The following ZNF626 variants were observed in gnomAD, a reference collection of about 807,000 sequenced individuals.
The protein encoded by ZNF626 is CTC-513N18.7.
Under a neutral mutation model 11.7 loss-of-function variants are expected in ZNF626, and 4 were observed. The ratio of observed to expected loss-of-function variants is 0.34; its 90% CI spans 0.17 to 0.78. ZNF626 has a LOEUF of 0.78. Ranked by LOEUF, ZNF626 falls within the 30% of genes least tolerant of loss-of-function variation. The pLI, the probability that ZNF626 is intolerant of heterozygous loss-of-function variation, is 0.57. For missense variants in ZNF626, 588 were observed against 587.1 expected (o/e 1.00, Z -0.01); for synonymous variants, 179 against 198.6 (o/e 0.90, Z 0.83).
chr19:20,636,689 T>C (rs994099507), intron 3 of ZNF626, among the ~76,000 whole-genome samples: 1 of 152,074 alleles, frequency 6.6e-6, no homozygotes, highest in Non-Finnish European at 1.5e-5. Flanking sequence ...AAAATAAAAG[T>C]TGAGACTGTT....
chr19:20,647,261 C>T (rs1568460509), intron 1 of ZNF626, among the ~76,000 whole-genome samples: 1 of 151,994 alleles, frequency 6.6e-6, no homozygotes, highest in South Asian at 2.1e-4. Context: ...TTTTTCTAGC[C>T]TGTAAACAAA....
At chr19:20,645,293 T>C (rs1277170529) in intron 3 of ZNF626, 1 of 1,510,138 alleles carries the variant, frequency 6.6e-7, no homozygotes, top group Non-Finnish European at 8.7e-7. Context: ...ACATTTCAGA[T>C]CTGATGCAAA....
In ZNF626 at chr19:20,636,887, G is replaced by A. The variant is rs142572936; in HGVS notation, c.226+8797C>T. ...AGTGCAAAAATTATTTGGGCATGGTGGCACATTCCTGTTGTCCCAGCTACT... is the reference window on the plus strand; with the variant it reads ...AGTGCAAAAATTATTTGGGCATGGTAGCACATTCCTGTTGTCCCAGCTACT... On this transcript the variant is annotated intron_variant, in intron 3 of 3. Coordinates refer to ENST00000601440, the MANE Select transcript of ZNF626 (RefSeq NM_001076675.3). Among the ~76,000 whole-genome samples, 489 of 152,124 alleles carry A rather than the reference G, an allele frequency of 3.2e-3. 2 individuals carry two copies. The highest frequency in any genetic ancestry group is 6.8e-3 in the Middle Eastern group (2 of 294).
chr19:20,658,828 C>T (rs1298011688), intron 1 of ZNF626, among the ~76,000 whole-genome samples: 1 of 152,068 alleles, frequency 6.6e-6, no homozygotes, highest in African/African-American at 2.4e-5. Context: ...AATCAAAAAC[C>T]CCATAGGCCC....
chr19:20,625,793 A>T, intron 3 of ZNF626, 143 bp from the exon 4 acceptor site: 1 of 923,964 alleles, frequency 1.1e-6, no homozygotes, highest in Non-Finnish European at 1.5e-6. Flanking sequence ...TTCTTCCTGG[A>T]CATATGAATT....
chr19:20,628,368 A>G (rs1262178165), intron 3 of ZNF626, among the ~76,000 whole-genome samples: 2 of 152,118 alleles, frequency 1.3e-5, no homozygotes, highest in Non-Finnish European at 2.9e-5. Flanking sequence ...GACTTCCACA[A>G]TGGTTGAACT....
intron 3 of ZNF626, among the ~76,000 whole-genome samples, chr19:20,636,269 T>C (rs1163476316): frequency 6.6e-6 from 1 of 152,196 alleles, no homozygotes; most frequent in African/African-American, 2.4e-5. Flanking sequence ...TGGCAATAGA[T>C]ACATGGCTTT....
rs1323076564 is a variant in ZNF626, at chr19:20,622,499, T to C, written c.*1791A>G. The C allele has an allele frequency of 6.6e-6, 1 of 152,126 alleles. No homozygotes were observed. Among genetic ancestry groups the C allele is most frequent in the Non-Finnish European group, 1.5e-5 (1 of 68,012 alleles). The allele number at this position is 152,126 out of a possible 1,614,324, so 9.4% of individuals were successfully genotyped here. ...AAGAATGCCCAACTCATAAAGAATC[T>C]CTAATATCTCTGATGCAGCAACAAT... On this transcript the variant is annotated 3_prime_UTR_variant, in exon 4 of 4. Coordinates refer to ENST00000601440, the MANE Select transcript of ZNF626 (RefSeq NM_001076675.3).
At chr19:20,654,496 C>T (rs1555772902) in intron 1 of ZNF626, among the ~76,000 whole-genome samples, 1 of 151,484 alleles carries the variant, frequency 6.6e-6, no homozygotes, top group African/African-American at 2.4e-5. Context: ...ATCATGAGGT[C>T]AGGAGATTGA....
rs1555768989 is a variant in ZNF626, at chr19:20,623,622, A to G, written c.*668T>C. The G allele has an allele frequency of 1.1e-5, 2 of 174,558 alleles. No homozygotes were observed. The highest frequency in any genetic ancestry group is 4.8e-5 in the African/African-American group (2 of 41,512). 10.8% of individuals were successfully genotyped at this position (174,558 alleles called of 1,614,324 possible). ...GATACCAGCCTGACAAACATGGTGT[A>G]ACCTTGTCTCTACTAAAAATACAAA... On this transcript the variant is annotated 3_prime_UTR_variant, in exon 4 of 4. Transcript: ENST00000601440.
chr19:20,641,162 G>T (rs143984193), intron 3 of ZNF626, among the ~76,000 whole-genome samples: 1 of 147,344 alleles, frequency 6.8e-6, no homozygotes, highest in Non-Finnish European at 1.5e-5. Context: ...AGCAACACAG[G>T]ACCTGGAAGA....
At chr19:20,636,440 A>C (rs914525012) in intron 3 of ZNF626, among the ~76,000 whole-genome samples, 2 of 152,032 alleles carry the variant, frequency 1.3e-5, no homozygotes, top group Non-Finnish European at 2.9e-5. Flanking sequence ...AAAATATATA[A>C]CACAAAATAT....
chr19:20,624,052 G>A lies in ZNF626; in HGVS notation c.*238C>T, dbSNP rs1555769073. 1.3e-6 allele frequency: 1 copy of A among 746,076 alleles called. No individual in the cohort carries two copies. The highest frequency in any genetic ancestry group is 2.4e-6 in the Non-Finnish European group (1 of 420,824). The allele number at this position is 746,076 out of a possible 1,614,324, so 46.2% of individuals were successfully genotyped here. A position where few individuals can be genotyped will look rare whatever the true frequency, so the allele number is the denominator to read the frequency against. On this transcript the variant is annotated 3_prime_UTR_variant, in exon 4 of 4. Transcript: ENST00000601440. ...TCCAGTATGAATTATCTTATGTGCAGTAAGGTGTGAGGATAGGTGAAAAGC... is the reference window on the plus strand; with the variant it reads ...TCCAGTATGAATTATCTTATGTGCAATAAGGTGTGAGGATAGGTGAAAAGC...
intron 3 of ZNF626, among the ~76,000 whole-genome samples, chr19:20,629,764 C>G (rs1260177816): frequency 9.2e-5 from 14 of 152,136 alleles, no homozygotes; most frequent in Non-Finnish European, 1.9e-4. Context: ...ATTGAATACA[C>G]TTTATTTCCT....
chr19:20,647,746 A>T (rs1046395851), intron 1 of ZNF626, among the ~76,000 whole-genome samples: 1 of 151,942 alleles, frequency 6.6e-6, no homozygotes, highest in African/African-American at 2.4e-5. Context: ...TCGGCCTCCC[A>T]AAGTGCTGGG....
Position 20,645,606 on chromosome 19 carries a change from T to C in ZNF626, c.226+78A>G, listed in dbSNP as rs1264533759. ...TGGAACACAGCTCCCCAAATCACAC[T>C]TTAAGGACTGGCTTTCTCTTTGACC... On this transcript the variant is annotated intron_variant, in intron 3 of 3. Transcript: ENST00000601440. 2.7e-6 allele frequency: 4 copies of C among 1,462,664 alleles called. No individual in the cohort carries two copies. The African/African-American group carries it at 5.6e-5, about 21-fold the overall frequency. 90.6% of individuals were successfully genotyped at this position (1,462,664 alleles called of 1,614,324 possible).
chr19:20,625,727 AGTTT>A, intron 3 of ZNF626, 77 bp from the exon 4 acceptor site: 2 of 1,389,840 alleles, frequency 1.4e-6, no homozygotes, highest in Non-Finnish European at 1.9e-6. Context: ...CAGTTTGTAT[AGTTT>A]TATACAAACT....
At chr19:20,655,749 C>T (rs1487108364) in intron 1 of ZNF626, among the ~76,000 whole-genome samples, 3 of 151,884 alleles carry the variant, frequency 2.0e-5, no homozygotes, top group Non-Finnish European at 4.4e-5. Context: ...CGTGAAACCC[C>T]GTCTCTACTA....
chr19:20,639,215 T>A (rs1969997373), intron 3 of ZNF626, among the ~76,000 whole-genome samples: 1 of 152,136 alleles, frequency 6.6e-6, no homozygotes, highest in Non-Finnish European at 1.5e-5. Flanking sequence ...CAGCCATTCA[T>A]GAGAAATTTG....
Sources: gnomAD v4.1 joint callset for allele counts (sites outside exome capture counted in the v4.1 genomes callset) on GRCh38, gnomAD v4.1.1 for gene constraint, MANE v1.5 for transcripts, NCBI Gene and HGNC (gene_info 2026-07-23, HGNC 2026-07-21) for gene names.